The following CDH18 variants were observed in gnomAD, a reference collection of about 807,000 sequenced individuals.
CDH18 encodes cadherin 18.
CDH18 carries 31 observed loss-of-function variants against 67.9 expected under a neutral mutation model. The ratio of observed to expected loss-of-function variants is 0.46; its 90% CI spans 0.34 to 0.62. The LOEUF (loss-of-function observed/expected upper bound fraction) is 0.62, where lower values mean the gene tolerates loss of function less well. Ranked by LOEUF, CDH18 falls within the 20% of genes least tolerant of loss-of-function variation. CDH18 has a pLI of 0.01. For synonymous variants in CDH18, 362 were observed against 347.2 expected (o/e 1.04, Z -0.48); for missense variants, 890 against 975.5 (o/e 0.91, Z 1.17).
intron 3 of CDH18, among the ~76,000 whole-genome samples, chr5:19,762,205 C>T (rs1450258169): frequency 2.6e-5 from 4 of 152,102 alleles, no homozygotes; most frequent in Non-Finnish European, 5.9e-5. Context: ...GTCTAAAACA[C>T]CAAAAGCAAT....
chr5:20,390,736 C>T (rs113887716), intron 1 of CDH18, among the ~76,000 whole-genome samples: 33 of 152,238 alleles, frequency 2.2e-4, no homozygotes, highest in African/African-American at 7.9e-4. Flanking sequence ...TGGAACTAAC[C>T]CAAATGTCCA....
At chr5:20,489,627 TA>T (rs1391028212) in intron 1 of CDH18, among the ~76,000 whole-genome samples, 1 of 152,030 alleles carries the variant, frequency 6.6e-6, no homozygotes, top group Non-Finnish European at 1.5e-5. Context: ...CAGTTCAAGA[TA>T]AAAAAGTTTT....
chr5:19,989,365 A>G (rs1239284130), upstream of CDH18, among the ~76,000 whole-genome samples: 3 of 152,206 alleles, frequency 2.0e-5, no homozygotes, highest in Non-Finnish European at 2.9e-5. Context: ...CTTAAGACTA[A>G]GAGAGGTAGA....
At chr5:19,627,232 G>A (rs1357223930) in intron 5 of CDH18, among the ~76,000 whole-genome samples, 1 of 152,146 alleles carries the variant, frequency 6.6e-6, no homozygotes, top group Non-Finnish European at 1.5e-5. Context: ...CCATTACATT[G>A]CAAGGAACAC....
intron 2 of CDH18, among the ~76,000 whole-genome samples, chr5:19,918,888 A>G (rs1456447956): frequency 6.6e-6 from 1 of 152,080 alleles, no homozygotes; most frequent in Non-Finnish European, 1.5e-5. Context: ...TGCACATCCC[A>G]GTTTATGCTA....
intron 8 of CDH18, among the ~76,000 whole-genome samples, chr5:19,559,921 C>A (rs202165577): frequency 0.09 from 11,584 of 129,186 alleles, 720 homozygotes; most frequent in African/African-American, 0.18. Context: ...GTTGCAAAAA[C>A]AAACAAAAAA....
intron 2 of CDH18, among the ~76,000 whole-genome samples, chr5:20,028,140 A>C (rs1739077675): frequency 6.6e-6 from 1 of 151,580 alleles, no homozygotes. Context: ...GGTGTTTGTC[A>C]TTACTTTTAA....
chr5:19,479,665 C>T (rs951120951), intron 12 of CDH18, among the ~76,000 whole-genome samples: 3 of 152,028 alleles, frequency 2.0e-5, no homozygotes, highest in Non-Finnish European at 4.4e-5. Flanking sequence ...CCCATTTATC[C>T]GGAAATTTAT....
chr5:19,837,215 C>T (rs1781753278), intron 3 of CDH18, among the ~76,000 whole-genome samples: 2 of 152,056 alleles, frequency 1.3e-5, no homozygotes, highest in South Asian at 2.1e-4. Context: ...ACAATGAGAA[C>T]ACATGGACAC....
intron 5 of CDH18, among the ~76,000 whole-genome samples, chr5:19,640,470 GA>G (rs1301441236): frequency 6.6e-6 from 1 of 151,960 alleles, no homozygotes; most frequent in Non-Finnish European, 1.5e-5. Flanking sequence ...AACAGATAAA[GA>G]GAAAAGAATC....
intron 1 of CDH18, among the ~76,000 whole-genome samples, chr5:20,296,955 AATT>A (rs1747587714): frequency 1.3e-5 from 2 of 151,824 alleles, no homozygotes; most frequent in South Asian, 2.1e-4. Context: ...ATAAGTACTT[AATT>A]ATTATTAACT....
At chr5:20,475,178 GATA>G (rs1175821494) in intron 1 of CDH18, among the ~76,000 whole-genome samples, 2 of 151,892 alleles carry the variant, frequency 1.3e-5, no homozygotes, top group Non-Finnish European at 2.9e-5. Flanking sequence ...TTTTATATAA[GATA>G]ATAAAAATGT....
At chr5:20,419,457 ACT>A (rs1275456782) in intron 1 of CDH18, among the ~76,000 whole-genome samples, 4 of 108,020 alleles carry the variant, frequency 3.7e-5, no homozygotes, top group South Asian at 3.1e-4. Context: ...AGGGTATGGG[ACT>A]CTGTTTTTTT....
chr5:20,567,760 A>G (rs907250056), intron 1 of CDH18, among the ~76,000 whole-genome samples: 21 of 152,194 alleles, frequency 1.4e-4, no homozygotes, highest in Middle Eastern at 3.2e-3. Context: ...ATCATAGAAG[A>G]GAGGACAGAC....
chr5:20,550,490 T>A (rs1757572526), intron 1 of CDH18, among the ~76,000 whole-genome samples: 1 of 152,220 alleles, frequency 6.6e-6, no homozygotes, highest in Non-Finnish European at 1.5e-5. Flanking sequence ...TCTCTAAATC[T>A]GGATTTTCAA....
chr5:19,893,176 T>C (rs1788959432), intron 2 of CDH18, among the ~76,000 whole-genome samples: 1 of 152,278 alleles, frequency 6.6e-6, no homozygotes. Context: ...AGGTGAGTTA[T>C]GGATATCCCA....
chr5:19,842,670 T>C (rs1782468633), intron 2 of CDH18, among the ~76,000 whole-genome samples: 1 of 152,074 alleles, frequency 6.6e-6, no homozygotes, highest in Non-Finnish European at 1.5e-5. Context: ...CCCAAAAATG[T>C]GGAAGTGACT....
chr5:19,753,558 T>C (rs1281058068), intron 3 of CDH18, among the ~76,000 whole-genome samples: 1 of 152,226 alleles, frequency 6.6e-6, no homozygotes, highest in Non-Finnish European at 1.5e-5. Context: ...ATAATCAGTG[T>C]TCTTCAAGAA....
intron 2 of CDH18, among the ~76,000 whole-genome samples, chr5:20,057,528 ATGCAC>A (rs1311065286): frequency 2.0e-5 from 3 of 152,210 alleles, no homozygotes; most frequent in Non-Finnish European, 4.4e-5. Context: ...ACACTGTTCC[ATGCAC>A]TGGGGTTACA....
Sources: gnomAD v4.1 joint callset for allele counts (sites outside exome capture counted in the v4.1 genomes callset) on GRCh38, gnomAD v4.1.1 for gene constraint, MANE v1.5 for transcripts, NCBI Gene and HGNC (gene_info 2026-07-23, HGNC 2026-07-21) for gene names.